The following DOCK10 variants were observed in gnomAD, a reference collection of about 807,000 sequenced individuals.
The protein encoded by DOCK10 is dedicator of cytokinesis 10, also known as dedicator of cytokinesis protein 10.
In DOCK10, 145 loss-of-function variants were observed where a neutral mutation model predicts 280.1. That is an observed-to-expected ratio of 0.52 (90% confidence interval 0.45 to 0.59). The LOEUF (loss-of-function observed/expected upper bound fraction) is 0.59. Ranked by LOEUF, DOCK10 falls within the 20% of genes least tolerant of loss-of-function variation. DOCK10 has a pLI of 0.00. For synonymous variants in DOCK10, 915 were observed against 942.2 expected (o/e 0.97, Z 0.53); for missense variants, 2,368 against 2,651.7 (o/e 0.89, Z 2.35).
intron 50 of DOCK10, among the ~76,000 whole-genome samples, chr2:224,783,215 G>A (rs1340563455): frequency 1.3e-5 from 2 of 152,056 alleles, no homozygotes; most frequent in Non-Finnish European, 2.9e-5. Context: ...GTCGTGCTTA[G>A]GCAGGTTCTC....
In DOCK10 at chr2:224,845,252, G is replaced by C. The variant is rs376610692; in HGVS notation, c.2432C>G (p.Thr811Arg). 1 of 1,586,042 alleles carries C rather than the reference G, an allele frequency of 6.3e-7. No homozygotes were observed. The highest frequency in any genetic ancestry group is 8.6e-7 in the Non-Finnish European group (1 of 1,164,388). Residue 811 changes from threonine (T) to arginine (R), a missense_variant, in exon 21 of 56, where the codon ACA (threonine) becomes AGA (arginine). This residue lies in a region of DOCK10 where 1,209 missense variants were observed against 1,250.9 expected (regional missense o/e 0.97). Transcript: ENST00000258390. ...GCTTAAATAATTAGGAGGCAGACTT[G>C]TTGCTATTGGGATGTTGTACTCTTG... Reference protein sequence around the residue: ...ASQEYNIPIATSLPPNYLSFQ... With the variant: ...ASQEYNIPIARSLPPNYLSFQ...
intron 27 of DOCK10, among the ~76,000 whole-genome samples, chr2:224,825,580 G>T (rs888435896): frequency 1.3e-5 from 2 of 152,062 alleles, no homozygotes; most frequent in Non-Finnish European, 2.9e-5. Context: ...CATATCATAC[G>T]TACATTTTCC....
chr2:225,000,205 GACACAC>G (rs773265503), intron 1 of DOCK10, among the ~76,000 whole-genome samples: 2 of 121,128 alleles, frequency 1.7e-5, no homozygotes, highest in Admixed American at 8.9e-5. Flanking sequence ...CACACACACA[GACACAC>G]ACACACACAC....
Position 224,823,578 on chromosome 2 carries a change from C to A in DOCK10, c.3106G>T (p.Asp1036Tyr). The change falls in exon 28 of 56, where the codon GAC (aspartate) becomes TAC (tyrosine). Residue 1036 changes from aspartate (D) to tyrosine (Y), a missense_variant. This residue lies in a region of DOCK10 where 1,209 missense variants were observed against 1,250.9 expected (regional missense o/e 0.97). Coordinates refer to ENST00000258390, the MANE Select transcript of DOCK10 (RefSeq NM_014689.3). ...TCCTTGTATTTCCAAATCACATGGT[C>A]GGATAGGACCATGACAAGATTGTCC... ...ELDNLVMVLSDHVIWKYKDAL... is the reference protein window; with the variant it reads ...ELDNLVMVLSYHVIWKYKDAL... 1 of 1,607,618 alleles carries A rather than the reference C, an allele frequency of 6.2e-7. No individual in the cohort carries two copies. Among genetic ancestry groups the A allele is most frequent in the South Asian group, 1.1e-5 (1 of 89,196 alleles).
intron 1 of DOCK10, among the ~76,000 whole-genome samples, chr2:225,035,583 T>TC (rs1690233121): frequency 9.0e-6 from 1 of 111,658 alleles, no homozygotes. Flanking sequence ...TATATATATA[T>TC]ATATAACACT....
chr2:224,983,888 CG>C (rs1705877442), intron 1 of DOCK10: 1 of 470,814 alleles, frequency 2.1e-6, no homozygotes, highest in Non-Finnish European at 4.4e-6. Flanking sequence ...TCAGACTGCC[CG>C]GGTGCTAATC....
chr2:224,983,511 A>G (rs1490521304), intron 1 of DOCK10: 1 of 216,776 alleles, frequency 4.6e-6, no homozygotes, highest in East Asian at 1.0e-4. Context: ...ATTCAAAGAA[A>G]AAAAAATGTT....
chr2:224,932,515 C>T (rs1157656528), intron 1 of DOCK10, among the ~76,000 whole-genome samples: 1 of 152,134 alleles, frequency 6.6e-6, no homozygotes, highest in Non-Finnish European at 1.5e-5. Flanking sequence ...ACCAAAAACA[C>T]AATCTGCATC....
chr2:224,917,864 C>A (rs1446874993), intron 2 of DOCK10, among the ~76,000 whole-genome samples: 5 of 152,088 alleles, frequency 3.3e-5, no homozygotes, highest in African/African-American at 1.2e-4. Context: ...GTCTGTGCAC[C>A]TCAGTAGTTA....
intron 3 of DOCK10, among the ~76,000 whole-genome samples, chr2:224,896,630 T>TCC: frequency 6.6e-6 from 1 of 152,170 alleles, no homozygotes. Flanking sequence ...GACATGAGAA[T>TCC]AGGTTGAACC....
chr2:224,973,603 T>C (rs546828355), intron 1 of DOCK10, among the ~76,000 whole-genome samples: 1 of 151,988 alleles, frequency 6.6e-6, no homozygotes, highest in African/African-American at 2.4e-5. Context: ...TTTAGCCCAG[T>C]GAGATCCGTT....
intron 3 of DOCK10, among the ~76,000 whole-genome samples, chr2:224,904,508 C>CT (rs1241074479): frequency 1.5e-4 from 23 of 152,246 alleles, no homozygotes; most frequent in African/African-American, 5.3e-4. Flanking sequence ...TGAGGTCACA[C>CT]TATAGGAGTT....
At chr2:224,810,505 T>A (rs2125248987) in intron 31 of DOCK10, among the ~76,000 whole-genome samples, 1 of 152,182 alleles carries the variant, frequency 6.6e-6, no homozygotes, top group African/African-American at 2.4e-5. Context: ...TTATTATACT[T>A]TAAGTTTTAG....
chr2:224,922,392 G>A (rs1701812894), intron 2 of DOCK10, among the ~76,000 whole-genome samples: 1 of 152,112 alleles, frequency 6.6e-6, no homozygotes, highest in African/African-American at 2.4e-5. Context: ...ATAAAACTCT[G>A]GTCAACAATT....
intron 11 of DOCK10, among the ~76,000 whole-genome samples, chr2:224,872,819 G>A (rs1698372464): frequency 6.6e-6 from 1 of 152,030 alleles, no homozygotes; most frequent in Admixed American, 6.6e-5. Context: ...AGGGATGATG[G>A]ATTAGAAATT....
Position 224,841,797 on chromosome 2 carries a change from A to G in DOCK10, c.2661+7T>C. 1 of 1,594,112 alleles carries G rather than the reference A, an allele frequency of 6.3e-7. No homozygotes were observed. The highest frequency in any genetic ancestry group is 8.6e-7 in the Non-Finnish European group (1 of 1,161,880). On this transcript the variant is annotated splice_region_variant and intron_variant, in intron 23 of 55. Coordinates refer to ENST00000258390, the MANE Select transcript of DOCK10 (RefSeq NM_014689.3). Reference sequence around the variant, plus strand: ...AGATCACTGAAACTGCTTGCATGTCATGTTACCTTACAAGAGCGGATGAAA... The same window carrying G: ...AGATCACTGAAACTGCTTGCATGTCGTGTTACCTTACAAGAGCGGATGAAA...
intron 10 of DOCK10, 31 bp from the exon 11 acceptor site, chr2:224,874,182 T>A: frequency 6.3e-7 from 1 of 1,575,298 alleles, no homozygotes. Flanking sequence ...TCACCAAACA[T>A]CCAACATAAA....
chr2:225,024,054 G>A (rs1465294287), intron 1 of DOCK10, among the ~76,000 whole-genome samples: 1 of 152,104 alleles, frequency 6.6e-6, no homozygotes, highest in Non-Finnish European at 1.5e-5. Flanking sequence ...CCAAAAATAC[G>A]ACAGCTTAAA....
intron 19 of DOCK10, among the ~76,000 whole-genome samples, chr2:224,847,052 G>C (rs1473287778): frequency 6.6e-6 from 1 of 152,130 alleles, no homozygotes; most frequent in Non-Finnish European, 1.5e-5. Flanking sequence ...GAACTAATGA[G>C]ACATTTTGGG....
Sources: allele counts gnomAD v4.1 joint callset (sites outside exome capture counted in the v4.1 genomes callset), GRCh38; gene constraint gnomAD v4.1.1; regional missense constraint gnomAD v4.1.1; transcripts MANE v1.5; gene names NCBI Gene and HGNC (gene_info 2026-07-23, HGNC 2026-07-21).